Variants in ADCY8 observed in about 807,000 individuals in gnomAD.
ADCY8 encodes adenylate cyclase 8.
ADCY8 carries 51 observed loss-of-function variants against 119.7 expected under a neutral mutation model. The ratio of observed to expected loss-of-function variants is 0.43; its 90% CI spans 0.34 to 0.54. ADCY8 has a LOEUF of 0.54. Ranked by LOEUF, ADCY8 falls within the 20% of genes least tolerant of loss-of-function variation. ADCY8 has a pLI of 0.03. For missense variants in ADCY8, 1,383 were observed against 1,598.8 expected, an observed-to-expected ratio of 0.87 and a Z score of 2.30; for synonymous variants, 665 against 651.0, an observed-to-expected ratio of 1.02 and a Z score of -0.33.
chr8:131,015,237 G>GA (rs898686476), intron 1 of ADCY8, among the ~76,000 whole-genome samples: 2 of 152,036 alleles, frequency 1.3e-5, no homozygotes, highest in African/African-American at 4.8e-5. Flanking sequence ...AATAAACAAA[G>GA]AAAAAATAAC....
chr8:130,826,176 TG>T (rs1271388408), intron 12 of ADCY8, among the ~76,000 whole-genome samples: 6 of 152,184 alleles, frequency 3.9e-5, no homozygotes, highest in Non-Finnish European at 7.4e-5. Context: ...AAAAGAAGAC[TG>T]AATCTTCCTA....
At chr8:131,006,068 A>G (rs1420338798) in intron 1 of ADCY8, among the ~76,000 whole-genome samples, 1 of 152,056 alleles carries the variant, frequency 6.6e-6, no homozygotes, top group African/African-American at 2.4e-5. Flanking sequence ...ACACGCACAC[A>G]CACACAACTA....
At chr8:130,878,559 A>G (rs1818650575) in intron 8 of ADCY8, among the ~76,000 whole-genome samples, 1 of 152,342 alleles carries the variant, frequency 6.6e-6, no homozygotes, top group Middle Eastern at 3.4e-3. Context: ...AATCAAGGAC[A>G]GAGAAAGATG....
At chr8:131,019,843 G>GTCTCTCTCTC (rs71306306) in intron 1 of ADCY8, among the ~76,000 whole-genome samples, 66 of 86,930 alleles carry the variant, frequency 7.6e-4, no homozygotes, top group African/African-American at 1.6e-3. Flanking sequence ...CTCTCTGTCT[G>GTCTCTCTCTC]TCTCTCTCTC....
At chr8:130,912,837 C>T (rs7832185) in intron 5 of ADCY8, among the ~76,000 whole-genome samples, 70,646 of 151,696 alleles carry the variant, frequency 0.47, 17,823 homozygotes, top group East Asian at 0.63. Context: ...TATCTACTGA[C>T]AATGAAAACT....
At chr8:131,005,442 C>T (rs752782509) in intron 1 of ADCY8, among the ~76,000 whole-genome samples, 11 of 152,348 alleles carry the variant, frequency 7.2e-5, no homozygotes, top group South Asian at 4.1e-4. Flanking sequence ...ACTCTTATTT[C>T]TTCCCTGTGT....
At chr8:131,023,998 T>C (rs1823751326) in intron 1 of ADCY8, among the ~76,000 whole-genome samples, 1 of 152,218 alleles carries the variant, frequency 6.6e-6, no homozygotes, top group Non-Finnish European at 1.5e-5. Context: ...GTGTTCTAGA[T>C]ACAGGGCAAA....
At chr8:130,862,892 G>T (rs577111403) in intron 9 of ADCY8, among the ~76,000 whole-genome samples, 4 of 152,162 alleles carry the variant, frequency 2.6e-5, no homozygotes, top group East Asian at 1.9e-4. Flanking sequence ...ATTTATGAAG[G>T]TGTATTATGG....
intron 1 of ADCY8, among the ~76,000 whole-genome samples, chr8:131,003,973 A>G (rs914606647): frequency 2.2e-4 from 34 of 152,152 alleles, no homozygotes; most frequent in African/African-American, 8.0e-4. Flanking sequence ...GGCTCTTTGC[A>G]AATAAAAACA....
intron 17 of ADCY8, among the ~76,000 whole-genome samples, chr8:130,783,233 G>C (rs1188974107): frequency 6.6e-6 from 1 of 152,164 alleles, no homozygotes; most frequent in African/African-American, 2.4e-5. Context: ...AGTAAAGCCT[G>C]TCCCTGGAAG....
chr8:130,972,168 T>C (rs1429221748), intron 2 of ADCY8, among the ~76,000 whole-genome samples: 1 of 152,184 alleles, frequency 6.6e-6, no homozygotes, highest in Admixed American at 6.5e-5. Context: ...CAAGAGAGAA[T>C]AGCAATCATT....
intron 15 of ADCY8, among the ~76,000 whole-genome samples, chr8:130,795,394 A>G (rs1405385133): frequency 6.6e-6 from 1 of 152,260 alleles, no homozygotes; most frequent in South Asian, 2.1e-4. Context: ...GCAATAGCAG[A>G]ACATTAAAAC....
intron 1 of ADCY8, among the ~76,000 whole-genome samples, chr8:131,025,031 G>C (rs1403880529): frequency 6.6e-6 from 1 of 152,168 alleles, no homozygotes; most frequent in Non-Finnish European, 1.5e-5. Context: ...CATAGTCATA[G>C]AATTTTAGAG....
At chr8:131,000,469 C>G (rs576847253) in intron 1 of ADCY8, among the ~76,000 whole-genome samples, 4 of 152,152 alleles carry the variant, frequency 2.6e-5, no homozygotes, top group Non-Finnish European at 4.4e-5. Context: ...GAGCAGAACA[C>G]TTAATATGTG....
chr8:130,988,937 C>G (rs1396219264), intron 2 of ADCY8, among the ~76,000 whole-genome samples: 1 of 152,150 alleles, frequency 6.6e-6, no homozygotes, highest in Non-Finnish European at 1.5e-5. Flanking sequence ...GCATTAAGAA[C>G]AGTTGAATAA....
intron 6 of ADCY8, 59 bp downstream of exon 6, chr8:130,909,649 T>A: frequency 6.3e-7 from 1 of 1,598,396 alleles, no homozygotes; most frequent in Non-Finnish European, 8.6e-7. Flanking sequence ...GGAAACCCAC[T>A]GTCACAAAAT....
intron 2 of ADCY8, among the ~76,000 whole-genome samples, chr8:130,979,938 C>A (rs1472757887): frequency 1.3e-5 from 2 of 152,170 alleles, no homozygotes; most frequent in Non-Finnish European, 2.9e-5. Flanking sequence ...AATTACCACA[C>A]AATTTGGTGG....
intron 9 of ADCY8, among the ~76,000 whole-genome samples, chr8:130,859,084 C>T (rs866335076): frequency 6.6e-6 from 1 of 152,074 alleles, no homozygotes; most frequent in South Asian, 2.1e-4. Context: ...CATTAGAAAC[C>T]AAGATGTGAG....
At chr8:130,849,172 A>T (rs7008094) in intron 10 of ADCY8, among the ~76,000 whole-genome samples, 45,722 of 152,040 alleles carry the variant, frequency 0.3, 6,948 homozygotes, top group African/African-American at 0.32. Flanking sequence ...TCTGAGCCTC[A>T]GTTTCCTCAG....
Sources: gnomAD v4.1 joint callset for allele counts (sites outside exome capture counted in the v4.1 genomes callset) on GRCh38, gnomAD v4.1.1 for gene constraint, MANE v1.5 for transcripts, NCBI Gene and HGNC (gene_info 2026-07-23, HGNC 2026-07-21) for gene names.